NPSR1: variants seen among roughly 807,000 people sequenced by gnomAD.
The protein encoded by NPSR1 is neuropeptide S receptor.
Under a neutral mutation model 46.9 loss-of-function variants are expected in NPSR1, and 48 were observed. That is an observed-to-expected ratio of 1.02 (90% confidence interval 0.81 to 1.30). NPSR1 has a LOEUF of 1.30. Ranked by LOEUF, NPSR1 falls within the 50% of genes most tolerant of loss-of-function variation. NPSR1 has a pLI of 0.00. For missense variants in NPSR1, 450 were observed against 449.5 expected, an observed-to-expected ratio of 1.00 and a Z score of -0.01; for synonymous variants, 176 against 168.1, an observed-to-expected ratio of 1.05 and a Z score of -0.36.
At chr7:34,779,078 TGA>T (rs1020965047) in intron 3 of NPSR1, among the ~76,000 whole-genome samples, 6 of 152,162 alleles carry the variant, frequency 3.9e-5, no homozygotes, top group Non-Finnish European at 8.8e-5. Flanking sequence ...ATTTTATAAC[TGA>T]GAGACTTTTT....
intron 2 of NPSR1, among the ~76,000 whole-genome samples, chr7:34,692,683 A>G (rs1793327429): frequency 6.6e-6 from 1 of 152,230 alleles, no homozygotes; most frequent in African/African-American, 2.4e-5. Flanking sequence ...TAAGCAGAAA[A>G]AAAAGAAATA....
In NPSR1 at chr7:34,834,371, G is replaced by T. The variant is rs759894051; in HGVS notation, c.681-13G>T. 6.2e-7 allele frequency: 1 copy of T among 1,610,110 alleles called. No homozygotes were observed. The highest frequency in any genetic ancestry group is 8.5e-7 in the Non-Finnish European group (1 of 1,176,606). ...ACCAGTCACTTTAATACTACCTTTG[G>T]TTCTTTCTGCAGCATCATGTATGGC... On this transcript the variant is annotated splice_polypyrimidine_tract_variant and intron_variant, in intron 5 of 8. Coordinates refer to ENST00000360581, the MANE Select transcript of NPSR1 (RefSeq NM_207172.2).
chr7:34,662,331 A>G (rs189209262), intron 1 of NPSR1, among the ~76,000 whole-genome samples: 3 of 152,232 alleles, frequency 2.0e-5, no homozygotes, highest in Admixed American at 2.0e-4. Context: ...CCTCCCTGCC[A>G]CGCTGCCTTA....
At chr7:34,749,644 A>T (rs1344262087) in intron 2 of NPSR1, among the ~76,000 whole-genome samples, 1 of 152,222 alleles carries the variant, frequency 6.6e-6, no homozygotes, top group Non-Finnish European at 1.5e-5. Context: ...TGGGGGCCCA[A>T]GAGGGGGTTG....
chr7:34,801,558 G>T (rs1358357312), intron 3 of NPSR1, among the ~76,000 whole-genome samples: 1 of 139,900 alleles, frequency 7.1e-6, no homozygotes, highest in Non-Finnish European at 1.5e-5. Flanking sequence ...AGGTATTGAT[G>T]GGACATATCT....
At chr7:34,774,342 A>T (rs1478354358) in intron 2 of NPSR1, among the ~76,000 whole-genome samples, 1 of 152,168 alleles carries the variant, frequency 6.6e-6, no homozygotes, top group African/African-American at 2.4e-5. Flanking sequence ...GGTGACATGG[A>T]GGCATCTGTG....
chr7:34,677,744 C>T (rs372527559), intron 1 of NPSR1, among the ~76,000 whole-genome samples: 3 of 152,304 alleles, frequency 2.0e-5, no homozygotes, highest in South Asian at 4.1e-4. Context: ...GGATTCCACT[C>T]CTCAGAGTCC....
chr7:34,741,552 A>T (rs1784941282), intron 2 of NPSR1, among the ~76,000 whole-genome samples: 1 of 152,202 alleles, frequency 6.6e-6, no homozygotes, highest in Admixed American at 6.5e-5. Context: ...AATGTGGTTC[A>T]GGAAGCTCTA....
chr7:34,851,631 G>A (rs1256379823), downstream of NPSR1, among the ~76,000 whole-genome samples: 1 of 152,186 alleles, frequency 6.6e-6, no homozygotes, highest in African/African-American at 2.4e-5. Flanking sequence ...AATTAACAGA[G>A]CAAAATCTGG....
At chr7:34,687,230 A>G (rs910478904) in intron 2 of NPSR1, among the ~76,000 whole-genome samples, 21 of 152,162 alleles carry the variant, frequency 1.4e-4, no homozygotes, top group African/African-American at 5.1e-4. Context: ...ATAAACAGAC[A>G]AAGAAAAATA....
chr7:34,681,002 G>C (rs1005941690), intron 1 of NPSR1, among the ~76,000 whole-genome samples: 1 of 151,372 alleles, frequency 6.6e-6, no homozygotes, highest in African/African-American at 2.4e-5. Flanking sequence ...TGATTACTAA[G>C]TAATGTGTAT....
chr7:34,708,554 A>G (rs1447848889), intron 2 of NPSR1, among the ~76,000 whole-genome samples: 3 of 152,176 alleles, frequency 2.0e-5, no homozygotes, highest in African/African-American at 4.8e-5. Flanking sequence ...TATGAGGGAA[A>G]ACGACAGAGT....
intron 2 of NPSR1, among the ~76,000 whole-genome samples, chr7:34,758,426 C>G (rs892644130): frequency 2.6e-5 from 4 of 152,178 alleles, no homozygotes; most frequent in African/African-American, 9.7e-5. Flanking sequence ...ACTTGCTGAA[C>G]AATTCTAAAG....
chr7:34,720,499 A>ATG (rs1783801474), intron 2 of NPSR1, among the ~76,000 whole-genome samples: 1 of 152,168 alleles, frequency 6.6e-6, no homozygotes, highest in African/African-American at 2.4e-5. Context: ...ATATGATGCA[A>ATG]TGTGTAGTTC....
intron 3 of NPSR1, chr7:34,779,629 G>A: frequency 8.3e-7 from 1 of 1,203,872 alleles, no homozygotes; most frequent in Middle Eastern, 2.1e-4. Context: ...AACCTTGAAA[G>A]TTTGGTATGT....
rs1562733337 is a variant in NPSR1 at position 34,792,701 on chromosome 7, G to GTTTTTT, written c.384+14137_384+14138insTTTTTT. 1.1e-3 allele frequency among the ~76,000 whole-genome samples: 80 copies of GTTTTTT among 72,188 alleles called. 2 individuals carry two copies. Among genetic ancestry groups the GTTTTTT allele is most frequent in the South Asian group, 2.1e-3 (5 of 2,426 alleles). The allele number at this position is 72,188 out of a possible 152,430, so 47.4% of individuals were successfully genotyped here. On this transcript the variant is annotated intron_variant, in intron 3 of 8. Coordinates refer to ENST00000360581, the MANE Select transcript of NPSR1 (RefSeq NM_207172.2). ...TATATATATATATGTATATATATAC[G>GTTTTTT]TATATATATATATTTATATATATAT...
chr7:34,709,248 T>C (rs984697261), intron 2 of NPSR1, among the ~76,000 whole-genome samples: 3 of 152,164 alleles, frequency 2.0e-5, no homozygotes, highest in African/African-American at 2.4e-5. Flanking sequence ...TACCACAACT[T>C]GGTCCTGTGC....
chr7:34,813,585 C>T (rs747875061), intron 4 of NPSR1, among the ~76,000 whole-genome samples: 5 of 152,002 alleles, frequency 3.3e-5, no homozygotes, highest in South Asian at 2.1e-4. Context: ...TCCATGTGAA[C>T]GATAACATTA....
At chr7:34,693,822 C>T (rs1477526886) in intron 2 of NPSR1, among the ~76,000 whole-genome samples, 1 of 152,080 alleles carries the variant, frequency 6.6e-6, no homozygotes, top group Admixed American at 6.6e-5. Context: ...AGTTTTATTC[C>T]ATGGATGCAA....
Sources: allele counts gnomAD v4.1 joint callset (sites outside exome capture counted in the v4.1 genomes callset), GRCh38; gene constraint gnomAD v4.1.1; transcripts MANE v1.5; gene names NCBI Gene and HGNC (gene_info 2026-07-23, HGNC 2026-07-21).